Variants in CIMIP6 observed in about 807,000 individuals in gnomAD.
CIMIP6 encodes uncharacterized protein C2orf73.
the CIMIP6 span, chr2:54,360,395 G>C: frequency 1.9e-6 from 3 of 1,607,836 alleles, no homozygotes; most frequent in Non-Finnish European, 2.5e-6. Context: ...GGAGCTGTTA[G>C]AGCCTAAAAC....
At chr2:54,378,639 T>C in the CIMIP6 span, among the ~76,000 whole-genome samples, 1 of 152,150 alleles carries the variant, frequency 6.6e-6, no homozygotes, top group African/African-American at 2.4e-5. Context: ...AATGCAGAGG[T>C]ACCGGTTCTA....
chr2:54,346,942 C>A, the CIMIP6 span, among the ~76,000 whole-genome samples: 1 of 152,218 alleles, frequency 6.6e-6, no homozygotes, highest in Non-Finnish European at 1.5e-5. Flanking sequence ...AATTTACCTA[C>A]ATTATCTTCT....
chr2:54,351,764 AC>A, the CIMIP6 span, among the ~76,000 whole-genome samples: 4 of 152,200 alleles, frequency 2.6e-5, no homozygotes, highest in African/African-American at 9.7e-5. Context: ...GTACCCCTGA[AC>A]TTAAAACTTT....
At chr2:54,348,264 G>A in the CIMIP6 span, among the ~76,000 whole-genome samples, 1 of 152,180 alleles carries the variant, frequency 6.6e-6, no homozygotes, top group Non-Finnish European at 1.5e-5. Context: ...GAAACAACAC[G>A]TAAAGTGCCC....
chr2:54,336,846 T>C, the CIMIP6 span, among the ~76,000 whole-genome samples: 1 of 152,054 alleles, frequency 6.6e-6, no homozygotes, highest in Non-Finnish European at 1.5e-5. Flanking sequence ...AGAAGAGCAT[T>C]CATAATGCAC....
chr2:54,384,059 C>T, the CIMIP6 span, among the ~76,000 whole-genome samples: 4 of 152,172 alleles, frequency 2.6e-5, no homozygotes, highest in Non-Finnish European at 5.9e-5. Context: ...ATTACCCAGT[C>T]TTTGGTATTC....
the CIMIP6 span, among the ~76,000 whole-genome samples, chr2:54,373,273 A>G: frequency 6.6e-6 from 1 of 151,762 alleles, no homozygotes; most frequent in South Asian, 2.1e-4. Flanking sequence ...GTCTTTCCGG[A>G]ACCTGCCGCG....
At chr2:54,350,643 G>A in the CIMIP6 span, among the ~76,000 whole-genome samples, 2 of 152,220 alleles carry the variant, frequency 1.3e-5, no homozygotes, top group African/African-American at 4.8e-5. Flanking sequence ...CACATTTACG[G>A]GGAGGGGACT....
chr2:54,381,859 A>G, the CIMIP6 span: 1 of 1,540,956 alleles, frequency 6.5e-7, no homozygotes, highest in South Asian at 1.2e-5. Flanking sequence ...AAACCTTGAG[A>G]AAAGGAGCCA....
At chr2:54,382,647 C>T in the CIMIP6 span, among the ~76,000 whole-genome samples, 7 of 152,186 alleles carry the variant, frequency 4.6e-5, no homozygotes, top group Admixed American at 4.6e-4. Context: ...TAACTAGACC[C>T]TCCACATGCT....
chr2:54,366,917 A>T, the CIMIP6 span, among the ~76,000 whole-genome samples: 2 of 152,138 alleles, frequency 1.3e-5, no homozygotes, highest in Non-Finnish European at 2.9e-5. Flanking sequence ...TTAACTCAGT[A>T]ATCTCCAAAA....
the CIMIP6 span, chr2:54,361,164 A>G: frequency 2.0e-5 from 3 of 152,230 alleles, no homozygotes; most frequent in African/African-American, 4.8e-5. Context: ...ACTCCTCCAT[A>G]TATAATTAAA....
the CIMIP6 span, among the ~76,000 whole-genome samples, chr2:54,344,236 G>A: frequency 2.6e-5 from 4 of 152,288 alleles, no homozygotes; most frequent in Non-Finnish European, 5.9e-5. Flanking sequence ...CTGTAACAAT[G>A]ACTTGTCCTT....
At chr2:54,380,642 A>G in the CIMIP6 span, among the ~76,000 whole-genome samples, 2 of 152,228 alleles carry the variant, frequency 1.3e-5, no homozygotes, top group African/African-American at 2.4e-5. Context: ...TTGTGCTGAT[A>G]CGCTCTCCCC....
chr2:54,361,346 A>G, the CIMIP6 span: 1 of 152,220 alleles, frequency 6.6e-6, no homozygotes, highest in South Asian at 2.1e-4. Context: ...TGAGTTTGGT[A>G]AGGATTAATT....
At chr2:54,354,559 G>C in the CIMIP6 span, among the ~76,000 whole-genome samples, 85 of 152,062 alleles carry the variant, frequency 5.6e-4, no homozygotes, top group Admixed American at 6.5e-4. Flanking sequence ...TTAATTTCTA[G>C]AAACTTCATA....
the CIMIP6 span, chr2:54,360,645 C>T: frequency 7.6e-7 from 1 of 1,307,414 alleles, no homozygotes; most frequent in East Asian, 2.6e-5. Flanking sequence ...ATTTACTTTT[C>T]TGTTATCAGT....
At chr2:54,371,321 C>T in the CIMIP6 span, among the ~76,000 whole-genome samples, 2 of 152,206 alleles carry the variant, frequency 1.3e-5, no homozygotes, top group Admixed American at 6.5e-5. Context: ...GCAGGTGCCA[C>T]CACTGGGGCT....
chr2:54,343,858 C>T, the CIMIP6 span: 760 of 1,600,988 alleles, frequency 4.7e-4, 7 homozygotes, highest in Middle Eastern at 4.5e-3. Context: ...GATGCAAAAG[C>T]CTTCTTGTGG....
Sources: allele counts gnomAD v4.1 joint callset (sites outside exome capture counted in the v4.1 genomes callset), GRCh38; gene constraint gnomAD v4.1.1; transcripts MANE v1.5; gene names NCBI Gene and HGNC (gene_info 2026-07-23, HGNC 2026-07-21).